Variants in FREM2 observed in about 807,000 individuals in gnomAD.
The protein encoded by FREM2 is FRAS1-related extracellular matrix protein 2.
In FREM2, 119 loss-of-function variants were observed where a neutral mutation model predicts 219.9. The observed-to-expected ratio is 0.54, with a 90% CI of 0.47 to 0.63. The LOEUF (loss-of-function observed/expected upper bound fraction) is 0.63. Among genes scored for constraint, FREM2 ranks in the 30% least tolerant of loss-of-function variants. The pLI is 0.00. For missense variants in FREM2, 4,030 were observed against 3,993.6 expected (o/e 1.01, Z -0.25); for synonymous variants, 1,562 against 1,522.8 (o/e 1.03, Z -0.60).
chr13:38,865,487 CTATA>C (rs1207191080), intron 16 of FREM2, among the ~76,000 whole-genome samples: 1 of 152,222 alleles, frequency 6.6e-6, no homozygotes, highest in East Asian at 1.9e-4. Flanking sequence ...GATATATAGA[CTATA>C]TAATGCCCTT....
intron 2 of FREM2, among the ~76,000 whole-genome samples, chr13:38,737,256 C>A (rs1401214059): frequency 1.3e-5 from 2 of 152,164 alleles, no homozygotes; most frequent in Non-Finnish European, 2.9e-5. Flanking sequence ...ATGGATTTAG[C>A]TTTTGAACCA....
chr13:38,722,243 A>G (rs754577642), intron 2 of FREM2, among the ~76,000 whole-genome samples: 4 of 152,108 alleles, frequency 2.6e-5, no homozygotes, highest in Non-Finnish European at 5.9e-5. Context: ...AAATTAATAC[A>G]GAGATGGGGG....
At chr13:38,818,825 G>A (rs1860858809) in intron 6 of FREM2, among the ~76,000 whole-genome samples, 1 of 151,844 alleles carries the variant, frequency 6.6e-6, no homozygotes, top group Non-Finnish European at 1.5e-5. Flanking sequence ...TAGTGGGGCA[G>A]AGGTTGCAGT....
intron 6 of FREM2, among the ~76,000 whole-genome samples, chr13:38,820,893 C>T (rs1291685084): frequency 6.6e-6 from 1 of 152,154 alleles, no homozygotes; most frequent in East Asian, 1.9e-4. Flanking sequence ...CTATGGTCTA[C>T]TGTTGAAAAC....
Position 38,834,767 on chromosome 13 carries a change from A to G in FREM2, c.6020-11806A>G, listed in dbSNP as rs148291365. Among the ~76,000 whole-genome samples the G allele has an allele frequency of 3.5e-3, 533 of 152,244 alleles. 2 individuals are homozygous for G. Among genetic ancestry groups the G allele is most frequent in the African/African-American group, 0.012 (510 of 41,542 alleles). ...GTCTTCTTTTGAAAAGCATCTGTTCATATCCTTTGCCCACTTTTTCATGAG... is the reference window on the plus strand; with the variant it reads ...GTCTTCTTTTGAAAAGCATCTGTTCGTATCCTTTGCCCACTTTTTCATGAG... On this transcript the variant is annotated intron_variant, in intron 6 of 23. Coordinates refer to ENST00000280481, the MANE Select transcript of FREM2 (RefSeq NM_207361.6).
intron 18 of FREM2, among the ~76,000 whole-genome samples, chr13:38,875,648 C>T (rs1724717511): frequency 6.6e-6 from 1 of 152,222 alleles, no homozygotes; most frequent in Non-Finnish European, 1.5e-5. Context: ...CAGCTCGTAA[C>T]TTCAGTGCAC....
In FREM2 at chr13:38,864,330, C is replaced by T. The variant is rs1427085825; in HGVS notation, c.7707C>T (p.Ser2569=). 1 of 1,614,180 alleles carries T rather than the reference C, an allele frequency of 6.2e-7. No individual in the cohort carries two copies. Among genetic ancestry groups the T allele is most frequent in the South Asian group, 1.1e-5 (1 of 91,090 alleles). ...RELSNFELTL[S]PDGTRVGNHK... is the part of the protein sequence containing the mutation. The stretch of plus-strand genomic sequence containing the variant: ...TTTCCAACTTTGAGCTCACCCTCAG[C>T]CCTGATGGCACAAGAGTTGGAAACC... The change falls in exon 16 of 24, where the codon AGC becomes AGT. Residue 2569 remains serine, a synonymous_variant. Transcript: ENST00000280481.
At chr13:38,755,733 G>C (rs1474498055) in intron 2 of FREM2, among the ~76,000 whole-genome samples, 2 of 152,166 alleles carry the variant, frequency 1.3e-5, no homozygotes, top group Non-Finnish European at 2.9e-5. Flanking sequence ...CCTAAGCACA[G>C]GAAGATGGGA....
At chr13:38,845,855 G>A (rs1019718257) in intron 6 of FREM2, among the ~76,000 whole-genome samples, 2 of 152,010 alleles carry the variant, frequency 1.3e-5, no homozygotes, top group African/African-American at 2.4e-5. Flanking sequence ...AAAAAAATAC[G>A]AAGACCCCAA....
At chr13:38,826,514 T>C (rs749443229) in intron 6 of FREM2, among the ~76,000 whole-genome samples, 8 of 152,070 alleles carry the variant, frequency 5.3e-5, no homozygotes, top group Non-Finnish European at 1.0e-4. Context: ...CAACTTGAAA[T>C]GGAGTCGCTT....
At chr13:38,845,337 G>A (rs1448154798) in intron 6 of FREM2, among the ~76,000 whole-genome samples, 1 of 152,150 alleles carries the variant, frequency 6.6e-6, no homozygotes, top group Non-Finnish European at 1.5e-5. Flanking sequence ...TTTGGTATGT[G>A]TGGGAATTCA....
intron 13 of FREM2, 42 bp from the exon 14 acceptor site, chr13:38,859,245 G>C (rs780025384): frequency 1.3e-6 from 2 of 1,595,714 alleles, no homozygotes; most frequent in Admixed American, 1.7e-5. Flanking sequence ...CGTTCCACCT[G>C]TTCTACACTC....
At chr13:38,851,570 A>C (rs767066114) in intron 10 of FREM2, 116 bp from the exon 11 acceptor site, 6 of 815,894 alleles carry the variant, frequency 7.4e-6, no homozygotes, top group African/African-American at 1.7e-5. Context: ...GGACAGAGAG[A>C]AGCCAGGAGT....
intron 2 of FREM2, 98 bp downstream of exon 2, chr13:38,697,885 T>A (rs111243804): frequency 8.0e-6 from 6 of 753,334 alleles, no homozygotes; most frequent in African/African-American, 1.7e-5. Flanking sequence ...TCAAGTAATA[T>A]TTCATGATCA....
At chr13:38,754,124 G>A (rs1248382520) in intron 2 of FREM2, among the ~76,000 whole-genome samples, 1 of 152,064 alleles carries the variant, frequency 6.6e-6, no homozygotes, top group Non-Finnish European at 1.5e-5. Flanking sequence ...CTGGAAGGAG[G>A]ATTTTCCTTC....
chr13:38,745,442 C>T (rs1872426210), intron 2 of FREM2, among the ~76,000 whole-genome samples: 1 of 152,100 alleles, frequency 6.6e-6, no homozygotes, highest in Non-Finnish European at 1.5e-5. Flanking sequence ...TCGTATACCT[C>T]TTTATTTTTC....
chr13:38,825,444 C>A (rs1439214630), intron 6 of FREM2, among the ~76,000 whole-genome samples: 7 of 151,644 alleles, frequency 4.6e-5, no homozygotes, highest in Non-Finnish European at 8.8e-5. Flanking sequence ...TAAAAAAAAA[C>A]CCACATGTAG....
chr13:38,857,387 C>A (rs1321998536), intron 12 of FREM2, among the ~76,000 whole-genome samples: 1 of 152,094 alleles, frequency 6.6e-6, no homozygotes, highest in African/African-American at 2.4e-5. Flanking sequence ...CAGGCAGTGC[C>A]TTCTGCCCTT....
At chr13:38,730,287 AT>A (rs150317042) in intron 2 of FREM2, among the ~76,000 whole-genome samples, 2 of 152,340 alleles carry the variant, frequency 1.3e-5, no homozygotes, top group Non-Finnish European at 2.9e-5. Flanking sequence ...TTTGTCATAC[AT>A]TTAACTTCTT....
Sources: gnomAD v4.1 joint callset for allele counts (sites outside exome capture counted in the v4.1 genomes callset) on GRCh38, gnomAD v4.1.1 for gene constraint, MANE v1.5 for transcripts, NCBI Gene and HGNC (gene_info 2026-07-23, HGNC 2026-07-21) for gene names.